The following MSH3 variants were observed in gnomAD, a reference collection of about 807,000 sequenced individuals.
MSH3 encodes DNA mismatch repair protein Msh3.
MSH3 carries 106 observed loss-of-function variants against 123.3 expected under a neutral mutation model. The ratio of observed to expected loss-of-function variants is 0.86; its 90% CI spans 0.73 to 1.01. The LOEUF (loss-of-function observed/expected upper bound fraction) is 1.01. MSH3 is among the 50% of genes least tolerant of loss of function. The probability of loss-of-function intolerance (pLI) is 0.00; values close to 1 mark genes in which losing one functional copy is unlikely to be tolerated. For missense variants in MSH3, 1,459 were observed against 1,347.6 expected, an observed-to-expected ratio of 1.08 and a Z score of -1.29; for synonymous variants, 515 against 481.4, an observed-to-expected ratio of 1.07 and a Z score of -0.91.
rs765698219 is a variant in MSH3, at chr5:80,654,935, G to A, written c.208G>A (p.Ala70Thr). Residue 70 changes from alanine (A) to threonine (T), a missense_variant, in exon 1 of 24, where the codon GCC becomes ACC. Ala to Thr is a moderately conservative substitution (Grantham distance 58). Coordinates refer to ENST00000265081, the MANE Select transcript of MSH3 (RefSeq NM_002439.5). ...AAAPPAPPAP[A>T]FPPQLPPHIA... ...AGCGCCCCCAGCGCCCCCAGCTCCC[G>A]CCTTCCCGCCCCAGCTGCCGCCGCA... 2 of 1,462,230 alleles carry A rather than the reference G, an allele frequency of 1.4e-6. No individual in the cohort carries two copies. Among genetic ancestry groups the A allele is most frequent in the African/African-American group, 3.4e-5 (2 of 58,336 alleles). The allele number at this position is 1,462,230 out of a possible 1,614,324, so 90.6% of individuals were successfully genotyped here.
At chr5:80,768,465 T>C (rs144842937) in intron 14 of MSH3, among the ~76,000 whole-genome samples, 1 of 152,282 alleles carries the variant, frequency 6.6e-6, no homozygotes, top group Non-Finnish European at 1.5e-5. Context: ...GATGTCTTTA[T>C]ATTTAGAATC....
chr5:80,776,026 A>G (rs1008633502), intron 16 of MSH3, among the ~76,000 whole-genome samples: 23 of 151,894 alleles, frequency 1.5e-4, no homozygotes, highest in Admixed American at 6.6e-5. Context: ...AGTAGCTGGG[A>G]CCACAGGAGT....
At chr5:80,839,442 T>C (rs1041339330) in intron 20 of MSH3, among the ~76,000 whole-genome samples, 4 of 152,220 alleles carry the variant, frequency 2.6e-5, no homozygotes, top group African/African-American at 9.6e-5. Context: ...CTCTATATTT[T>C]TTGAACCGAT....
In MSH3 at chr5:80,726,611, C is replaced by T. The variant is rs958379085; in HGVS notation, c.1453+1046C>T. ...CCTCCCAAGTAGCTGAGACTACAGG[C>T]GTGCGCCACCACACCCAGCTAATTT... On this transcript the variant is annotated intron_variant, in intron 9 of 23. Coordinates refer to ENST00000265081, the MANE Select transcript of MSH3 (RefSeq NM_002439.5). Among the ~76,000 whole-genome samples the T allele has an allele frequency of 2.6e-5, 4 of 152,144 alleles. No homozygotes were observed. The East Asian group carries it at 5.8e-4, about 22-fold the overall frequency.
At chr5:80,812,563 A>G (rs999970040) in intron 19 of MSH3, among the ~76,000 whole-genome samples, 5 of 145,234 alleles carry the variant, frequency 3.4e-5, no homozygotes, top group African/African-American at 1.3e-4. Context: ...TATGCTAGCT[A>G]GGCCCATTGG....
intron 18 of MSH3, among the ~76,000 whole-genome samples, chr5:80,792,427 AAAG>A (rs972844439): frequency 6.6e-6 from 1 of 151,448 alleles, no homozygotes; most frequent in Non-Finnish European, 1.5e-5. Flanking sequence ...AAAAAAAAAG[AAAG>A]AAAAGAAAAA....
At chr5:80,682,828 A>AT (rs75771068) in intron 8 of MSH3, among the ~76,000 whole-genome samples, 13,813 of 151,730 alleles carry the variant, frequency 0.091, 666 homozygotes, top group African/African-American at 0.1. Flanking sequence ...TATTCTTTCT[A>AT]TTTTTTTTGT....
rs369935724 is a variant in MSH3 at position 80,873,099 on chromosome 5, C to G, written c.3131-17C>G. ...AGCTTTCAGGCACAGTTTTGATCTC[C>G]TTTCTTTATTTCACAGGCGCAGCAG... On this transcript the variant is annotated splice_polypyrimidine_tract_variant and intron_variant, in intron 22 of 23. Transcript: ENST00000265081. 2 of 1,610,118 alleles carry G rather than the reference C, an allele frequency of 1.2e-6. No individual in the cohort carries two copies. Among genetic ancestry groups the G allele is most frequent in the Admixed American group, 1.7e-5 (1 of 59,980 alleles).
intron 8 of MSH3, among the ~76,000 whole-genome samples, chr5:80,713,419 A>C (rs566077401): frequency 8.5e-5 from 13 of 152,078 alleles, no homozygotes; most frequent in African/African-American, 3.1e-4. Context: ...CTAGCTTGGC[A>C]TGCCCTGTGT....
At chr5:80,655,676 GGC>G (rs1166175297) in intron 1 of MSH3, 1 of 180,690 alleles carries the variant, frequency 5.5e-6, no homozygotes, top group East Asian at 9.1e-5. Flanking sequence ...TTCAGATTGA[GGC>G]TGTGGAAGGG....
In MSH3 at chr5:80,670,303, T is replaced by C. The variant is rs1580550424; in HGVS notation, c.786T>C (p.Asp262=). ...CGYKYRFFGE[D]AEIAARELNI... The stretch of plus-strand genomic sequence containing the variant: ...ATAAGTATAGATTCTTTGGGGAAGA[T>C]GCAGAGGTAAGTCGTCTTTTCAGGC... The change falls in exon 4 of 24, where the codon GAT becomes GAC. Residue 262 remains aspartate, a synonymous_variant. Coordinates refer to ENST00000265081, the MANE Select transcript of MSH3 (RefSeq NM_002439.5). 1 of 1,614,118 alleles carries C rather than the reference T, an allele frequency of 6.2e-7. No individual in the cohort carries two copies. Among genetic ancestry groups the C allele is most frequent in the African/African-American group, 1.3e-5 (1 of 75,058 alleles).
At chr5:80,814,129 GA>G (rs10708713) in intron 20 of MSH3, among the ~76,000 whole-genome samples, 121,985 of 142,742 alleles carry the variant, frequency 0.85, 51,661 homozygotes, top group East Asian at 0.99. Flanking sequence ...CTGTCTCAAA[GA>G]AAAAAAAAAA....
At chr5:80,715,680 T>TA (rs1035890280) in intron 8 of MSH3, among the ~76,000 whole-genome samples, 30 of 152,046 alleles carry the variant, frequency 2.0e-4, no homozygotes, top group Non-Finnish European at 3.4e-4. Flanking sequence ...TCAGGAAACT[T>TA]ACAGTCGTGG....
At chr5:80,801,081 A>T (rs1334932082) in intron 19 of MSH3, among the ~76,000 whole-genome samples, 2 of 152,228 alleles carry the variant, frequency 1.3e-5, no homozygotes, top group Admixed American at 1.3e-4. Context: ...CCAAGTGAAC[A>T]TGGTGGAGGG....
At chr5:80,730,896 T>TATATA (rs62886360) in intron 10 of MSH3, among the ~76,000 whole-genome samples, 7 of 67,092 alleles carry the variant, frequency 1.0e-4, no homozygotes, top group East Asian at 7.8e-4. Flanking sequence ...ATATATATAT[T>TATATA]TTTTTTTTTT....
intron 17 of MSH3, among the ~76,000 whole-genome samples, chr5:80,786,123 C>T (rs556954433): frequency 6.6e-6 from 1 of 151,304 alleles, no homozygotes; most frequent in South Asian, 2.1e-4. Flanking sequence ...GCACATGTAC[C>T]CTAAAACTTA....
In MSH3 at chr5:80,739,047, A is replaced by G. The variant is rs146330786; in HGVS notation, c.1569-2417A>G. ...TCTGAGCAATAAACTTCTGTTTACA[A>G]ACTGCCCATTCTGAGGTATTCTGTT... On this transcript the variant is annotated intron_variant, in intron 10 of 23. Coordinates refer to ENST00000265081, the MANE Select transcript of MSH3 (RefSeq NM_002439.5). 3.7e-3 allele frequency among the ~76,000 whole-genome samples: 562 copies of G among 152,280 alleles called. 3 individuals are homozygous for G. Among genetic ancestry groups the G allele is most frequent in the African/African-American group, 0.013 (539 of 41,564 alleles).
At chr5:80,689,137 A>T (rs836801) in intron 8 of MSH3, among the ~76,000 whole-genome samples, 37,488 of 151,980 alleles carry the variant, frequency 0.25, 4,732 homozygotes, top group Middle Eastern at 0.32. Flanking sequence ...GTGTTAGGAA[A>T]ATATGGGTCA....
intron 20 of MSH3, among the ~76,000 whole-genome samples, 184 bp from the exon 21 acceptor site, chr5:80,853,946 A>G (rs1745872321): frequency 6.6e-6 from 1 of 152,216 alleles, no homozygotes; most frequent in Admixed American, 6.5e-5. Context: ...TACAAAGTAC[A>G]GTATGATGTT....
Sources: gnomAD v4.1 joint callset for allele counts (sites outside exome capture counted in the v4.1 genomes callset) on GRCh38, gnomAD v4.1.1 for gene constraint, MANE v1.5 for transcripts, NCBI Gene and HGNC (gene_info 2026-07-23, HGNC 2026-07-21) for gene names.